MAPK14: variants seen among roughly 807,000 people sequenced by gnomAD.
The protein encoded by MAPK14 is CSAID-binding protein.
In MAPK14, 16 loss-of-function variants were observed where a neutral mutation model predicts 49.6. That is an observed-to-expected ratio of 0.32 (90% CI 0.22 to 0.49). The LOEUF (loss-of-function observed/expected upper bound fraction) is 0.49. MAPK14 is among the 20% of genes least tolerant of loss of function. The probability of loss-of-function intolerance (pLI) is 0.99; values close to 1 mark genes in which losing one functional copy is unlikely to be tolerated. For missense variants in MAPK14, 200 were observed against 441.2 expected (o/e 0.45, Z 4.90); for synonymous variants, 142 against 158.0 (o/e 0.90, Z 0.76).
chr6:36,058,903 CAG>C (rs1763689802), intron 2 of MAPK14, among the ~76,000 whole-genome samples: 1 of 139,604 alleles, frequency 7.2e-6, no homozygotes, highest in South Asian at 2.2e-4. Context: ...TTTTTTGAGA[CAG>C]AGTCTCACTC....
intron 9 of MAPK14, among the ~76,000 whole-genome samples, chr6:36,101,572 A>G (rs979486994): frequency 6.6e-6 from 1 of 151,542 alleles, no homozygotes; most frequent in Non-Finnish European, 1.5e-5. Flanking sequence ...TGGAACCTCC[A>G]CCTCCTGGGC....
At chr6:36,057,032 T>A (rs1216671053) in intron 2 of MAPK14, among the ~76,000 whole-genome samples, 1 of 152,230 alleles carries the variant, frequency 6.6e-6, no homozygotes, top group Non-Finnish European at 1.5e-5. Flanking sequence ...TTGGGAGGCA[T>A]GTAAGTTGGC....
downstream of MAPK14, among the ~76,000 whole-genome samples, chr6:36,111,664 T>C (rs1443241574): frequency 6.6e-6 from 1 of 152,180 alleles, no homozygotes; most frequent in Non-Finnish European, 1.5e-5. Flanking sequence ...TCAGGGACTT[T>C]GCTGATGTGC....
chr6:36,118,539 G>A, the MAPK14 span, among the ~76,000 whole-genome samples: 7 of 152,170 alleles, frequency 4.6e-5, no homozygotes, highest in East Asian at 1.9e-4. Context: ...AGGATTTCTC[G>A]TGGCGTCCAG....
intron 2 of MAPK14, among the ~76,000 whole-genome samples, chr6:36,056,099 A>G (rs891333409): frequency 2.0e-5 from 3 of 151,824 alleles, no homozygotes; most frequent in Admixed American, 2.0e-4. Context: ...TTTTCAGGTT[A>G]CTTTATTTTT....
chr6:36,047,935 G>T (rs1340144114), intron 1 of MAPK14, among the ~76,000 whole-genome samples: 1 of 151,906 alleles, frequency 6.6e-6, no homozygotes. Context: ...GTAGAGATGG[G>T]GTTTCACCAT....
chr6:36,118,862 G>T, the MAPK14 span, among the ~76,000 whole-genome samples: 1 of 152,250 alleles, frequency 6.6e-6, no homozygotes, highest in African/African-American at 2.4e-5. Context: ...TCACGGTGAG[G>T]AAACAGCCCC....
chr6:36,069,771 A>G (rs1764198714), intron 3 of MAPK14, among the ~76,000 whole-genome samples: 1 of 152,070 alleles, frequency 6.6e-6, no homozygotes, highest in African/African-American at 2.4e-5. Flanking sequence ...AAGATTTCTT[A>G]ACTCACTGGT....
intron 11 of MAPK14, 87 bp from the exon 12 acceptor site, chr6:36,108,293 A>C: frequency 4.2e-6 from 4 of 953,904 alleles, no homozygotes; most frequent in Non-Finnish European, 5.1e-6. Flanking sequence ...ACAGAGAGGA[A>C]GGATCTTGAG....
At chr6:36,093,720 CAAAAAAAAAAAA>C (rs11343231) in intron 8 of MAPK14, among the ~76,000 whole-genome samples, 5 of 83,116 alleles carry the variant, frequency 6.0e-5, no homozygotes. Context: ...GACTCCGTCT[CAAAAAAAAAAAA>C]AAAAAAAAAA....
chr6:36,113,997 T>C (rs1322193114), downstream of MAPK14, among the ~76,000 whole-genome samples: 1 of 152,198 alleles, frequency 6.6e-6, no homozygotes, highest in Non-Finnish European at 1.5e-5. Context: ...ATTTTAAGGA[T>C]CTTAAGCAGG....
chr6:36,064,129 A>G (rs61364424), intron 3 of MAPK14, among the ~76,000 whole-genome samples: 21,128 of 151,446 alleles, frequency 0.14, 1,807 homozygotes, highest in African/African-American at 0.24. Context: ...ACAGGCTCAC[A>G]CCACTAGACT....
chr6:36,052,607 A>C (rs1763445370), intron 1 of MAPK14, 92 bp from the exon 2 acceptor site: 1 of 1,189,382 alleles, frequency 8.4e-7, no homozygotes, highest in African/African-American at 1.6e-5. Context: ...TTTGTTATAG[A>C]CCCTTTAATT....
intron 8 of MAPK14, among the ~76,000 whole-genome samples, chr6:36,093,298 C>G (rs996798520): frequency 6.6e-6 from 1 of 152,096 alleles, no homozygotes; most frequent in African/African-American, 2.4e-5. Context: ...GAGGGTTTCT[C>G]AGCTCATTGA....
At position 36,107,046 on chromosome 6, in the gene MAPK14, A is replaced by T. The variant is rs1198773106; in HGVS notation, c.842-409A>T. Among the ~76,000 whole-genome samples the T allele has an allele frequency of 1.3e-5, 2 of 152,186 alleles. No homozygotes were observed. The highest frequency in any genetic ancestry group is 2.9e-5 in the Non-Finnish European group (2 of 68,030). ...TGTTCAAACAGAATCCCAGTCATTT[A>T]AAAAAATTCTTCTTTAGTAACATAT... On this transcript the variant is annotated intron_variant, in intron 10 of 11. Coordinates refer to ENST00000229794, the MANE Select transcript of MAPK14 (RefSeq NM_139012.3). The surrounding 1 kb of genome is among the most constrained non-coding windows in gnomAD (Gnocchi z 4.3).
intron 1 of MAPK14, among the ~76,000 whole-genome samples, chr6:36,038,838 T>G (rs572541935): frequency 6.6e-6 from 1 of 152,356 alleles, no homozygotes; most frequent in South Asian, 2.1e-4. Flanking sequence ...AAAGGAAGAT[T>G]AGTCTGCTGG....
chr6:36,047,160 C>T (rs1581746632), intron 1 of MAPK14, among the ~76,000 whole-genome samples: 1 of 152,172 alleles, frequency 6.6e-6, no homozygotes, highest in Non-Finnish European at 1.5e-5. Context: ...GAACCACCAC[C>T]CTCTTTTATG....
At chr6:36,100,679 A>C (rs996333642) in intron 9 of MAPK14, among the ~76,000 whole-genome samples, 1 of 152,184 alleles carries the variant, frequency 6.6e-6, no homozygotes, top group Non-Finnish European at 1.5e-5. Flanking sequence ...ACAAAACTGA[A>C]ATATCCAATA....
At chr6:36,088,540 G>T (rs961498565) in intron 8 of MAPK14, among the ~76,000 whole-genome samples, 11 of 151,932 alleles carry the variant, frequency 7.2e-5, no homozygotes, top group African/African-American at 2.7e-4. Flanking sequence ...GACTAATTTG[G>T]CGAAACCCCA....
Sources: gnomAD v4.1 joint callset for allele counts (sites outside exome capture counted in the v4.1 genomes callset) on GRCh38, gnomAD v4.1.1 for gene constraint, Gnocchi (gnomAD v3.1) non-coding constraint, MANE v1.5 for transcripts, NCBI Gene and HGNC (gene_info 2026-07-23, HGNC 2026-07-21) for gene names.